The following ROBO2 variants were observed in gnomAD, a reference collection of about 807,000 sequenced individuals.
The protein encoded by ROBO2 is roundabout guidance receptor 2.
Under a neutral mutation model 160.8 loss-of-function variants are expected in ROBO2, and 53 were observed. The ratio of observed to expected loss-of-function variants is 0.33; its 90% CI spans 0.26 to 0.41. The LOEUF (loss-of-function observed/expected upper bound fraction) is 0.41. ROBO2 is among the 10% of genes least tolerant of loss of function. The pLI, the probability that ROBO2 is intolerant of heterozygous loss-of-function variation, is 1.00. For synonymous variants in ROBO2, 664 were observed against 611.7 expected (o/e 1.09, Z -1.26); for missense variants, 1,577 against 1,722.4 (o/e 0.92, Z 1.49).
chr3:76,116,705 T>C (rs1441853118), intron 2 of ROBO2, among the ~76,000 whole-genome samples: 2 of 152,298 alleles, frequency 1.3e-5, no homozygotes, highest in Middle Eastern at 3.4e-3. Flanking sequence ...TATTTGATGC[T>C]ACAGACATTT....
chr3:77,420,133 T>C (rs2077581219), intron 2 of ROBO2, among the ~76,000 whole-genome samples: 1 of 152,100 alleles, frequency 6.6e-6, no homozygotes, highest in African/African-American at 2.4e-5. Context: ...AGAAATGACT[T>C]CAGTAAGATG....
At chr3:75,956,066 G>T (rs1405084448) in intron 2 of ROBO2, among the ~76,000 whole-genome samples, 15 of 151,736 alleles carry the variant, frequency 9.9e-5, no homozygotes, top group Admixed American at 9.2e-4. Flanking sequence ...TTACATCACT[G>T]TTGGCACATG....
intron 2 of ROBO2, among the ~76,000 whole-genome samples, chr3:76,271,958 T>G (rs1264386791): frequency 6.6e-6 from 1 of 152,106 alleles, no homozygotes; most frequent in East Asian, 1.9e-4. Flanking sequence ...TAGTTCCCAT[T>G]CTAGTTGTCT....
chr3:76,264,270 G>A (rs920156610), intron 2 of ROBO2, among the ~76,000 whole-genome samples: 7 of 150,202 alleles, frequency 4.7e-5, no homozygotes, highest in Admixed American at 6.6e-5. Context: ...TATTAGTTAC[G>A]CCATAATTAC....
rs117405086 is a variant in ROBO2, at chr3:76,802,171, C to A, written c.110-295843C>A. 2.0e-5 allele frequency among the ~76,000 whole-genome samples: 3 copies of A among 152,256 alleles called. No homozygotes were observed. In the East Asian group the frequency reaches 5.8e-4, roughly 29 times the overall value. On this transcript the variant is annotated intron_variant, in intron 2 of 26. Transcript: ENST00000487694. ...GACACAGAGGTACAAAGTGAGCACA[C>A]GCTGCTGGAACAATGGCACTGACAG...
intron 2 of ROBO2, among the ~76,000 whole-genome samples, chr3:75,972,898 C>T (rs947527935): frequency 1.3e-5 from 2 of 151,538 alleles, no homozygotes; most frequent in Non-Finnish European, 3.0e-5. Flanking sequence ...CAGGACCATC[C>T]CTTGTTCACC....
intron 2 of ROBO2, among the ~76,000 whole-genome samples, chr3:76,719,573 A>C (rs1183376556): frequency 6.6e-6 from 1 of 152,222 alleles, no homozygotes; most frequent in Non-Finnish European, 1.5e-5. Context: ...TTTTGTTGTT[A>C]ACAATTTTTT....
In ROBO2 at chr3:77,113,742, T is replaced by C. The variant is rs1340736474; in HGVS notation, c.388+15402T>C. On this transcript the variant is annotated intron_variant, in intron 2 of 25. Transcript: ENST00000461745. Reference sequence around the variant, plus strand: ...TTCTTATTTAAGGGTCCTCACCCTATGCATAAGAAAATCTCCCATTCATTC... The same window carrying C: ...TTCTTATTTAAGGGTCCTCACCCTACGCATAAGAAAATCTCCCATTCATTC... 3.3e-5 allele frequency among the ~76,000 whole-genome samples: 5 copies of C among 152,218 alleles called. 1 individual carries two copies. Among genetic ancestry groups the C allele is most frequent in the Admixed American group, 1.3e-4 (2 of 15,282 alleles).
chr3:76,210,908 T>G (rs1365538276), intron 2 of ROBO2, among the ~76,000 whole-genome samples: 1 of 152,138 alleles, frequency 6.6e-6, no homozygotes, highest in Non-Finnish European at 1.5e-5. Flanking sequence ...TATAATACTT[T>G]TGCTTGCACC....
chr3:76,068,691 G>T (rs1213644621), intron 2 of ROBO2, among the ~76,000 whole-genome samples: 1 of 152,098 alleles, frequency 6.6e-6, no homozygotes, highest in Non-Finnish European at 1.5e-5. Context: ...CTCTGATCCT[G>T]AGAGCAAAAC....
At chr3:76,323,175 A>ACACACACACACACACACACC (rs752990413) in intron 2 of ROBO2, among the ~76,000 whole-genome samples, 2 of 145,604 alleles carry the variant, frequency 1.4e-5, no homozygotes, top group African/African-American at 2.5e-5. Flanking sequence ...ACACACACAC[A>ACACACACACACACACACACC]CCCCTAAAGG....
chr3:77,184,572 G>A (rs1358804112), intron 2 of ROBO2, among the ~76,000 whole-genome samples: 1 of 151,934 alleles, frequency 6.6e-6, no homozygotes, highest in Non-Finnish European at 1.5e-5. Context: ...ACAGAGGATG[G>A]GGTTTGGGTT....
chr3:75,970,850 G>A (rs565075607), intron 2 of ROBO2, among the ~76,000 whole-genome samples: 21 of 151,118 alleles, frequency 1.4e-4, no homozygotes, highest in Non-Finnish European at 2.8e-4. Flanking sequence ...CTAGTTGCAT[G>A]TTTTCAGGAA....
At chr3:76,409,901 T>C (rs1265663331) in intron 2 of ROBO2, among the ~76,000 whole-genome samples, 1 of 152,118 alleles carries the variant, frequency 6.6e-6, no homozygotes, top group Non-Finnish European at 1.5e-5. Flanking sequence ...ACAGATCTAT[T>C]TCTAGCAAAA....
intron 2 of ROBO2, among the ~76,000 whole-genome samples, chr3:76,740,406 A>G (rs1481966868): frequency 1.3e-5 from 2 of 152,132 alleles, no homozygotes; most frequent in African/African-American, 2.4e-5. Context: ...GATGTATACT[A>G]TTGGCTTATT....
chr3:76,525,067 T>C (rs2107959231), intron 2 of ROBO2, among the ~76,000 whole-genome samples: 1 of 151,584 alleles, frequency 6.6e-6, no homozygotes, highest in East Asian at 1.9e-4. Context: ...GTTTTGCTTT[T>C]ATAGGTTTGC....
chr3:76,390,442 T>C (rs2077093772), intron 2 of ROBO2, among the ~76,000 whole-genome samples: 2 of 152,166 alleles, frequency 1.3e-5, no homozygotes, highest in African/African-American at 4.8e-5. Context: ...TGGAAAATGA[T>C]AAGACATACA....
In ROBO2 at chr3:76,119,684, G is replaced by A. The variant is rs372781492; in HGVS notation, c.109+182082G>A. Among the ~76,000 whole-genome samples the A allele has an allele frequency of 5.3e-5, 8 of 151,998 alleles. No homozygotes were observed. The East Asian group carries it at 5.8e-4, about 11-fold the overall frequency. On this transcript the variant is annotated intron_variant, in intron 2 of 26. Coordinates refer to the ROBO2 transcript ENST00000487694. ...GTTGTACTTTTAACATTTGTGAAAT[G>A]TCATATTATCATAGGAAAAAAATGA... is the stretch of plus-strand genomic sequence containing the variant.
intron 2 of ROBO2, among the ~76,000 whole-genome samples, chr3:76,747,384 T>G (rs138480133): frequency 0.014 from 2,185 of 152,250 alleles, 54 homozygotes; most frequent in African/African-American, 0.047. Flanking sequence ...ATACTTATCT[T>G]TCATAGAATT....
Sources: allele counts gnomAD v4.1 joint callset (sites outside exome capture counted in the v4.1 genomes callset), GRCh38; gene constraint gnomAD v4.1.1; transcripts MANE v1.5; gene names NCBI Gene and HGNC (gene_info 2026-07-23, HGNC 2026-07-21).